GLIS3: variants seen among roughly 807,000 people sequenced by gnomAD.
GLIS3 encodes the protein zinc finger protein GLIS3.
Under a neutral mutation model 78.6 loss-of-function variants are expected in GLIS3, and 53 were observed. That is an observed-to-expected ratio of 0.67 (90% CI 0.54 to 0.85). GLIS3 has a LOEUF of 0.85. GLIS3 is among the 40% of genes least tolerant of loss of function. The probability of loss-of-function intolerance (pLI) is 0.00; values close to 1 mark genes in which losing one functional copy is unlikely to be tolerated. For missense variants in GLIS3, 1,703 were observed against 1,231.1 expected (o/e 1.38, Z -5.74); for synonymous variants, 684 against 509.9 (o/e 1.34, Z -4.60).
chr9:4,317,213 G>A (rs1486608206), intron 2 of GLIS3, among the ~76,000 whole-genome samples: 1 of 152,254 alleles, frequency 6.6e-6, no homozygotes, highest in East Asian at 1.9e-4. Flanking sequence ...CATCAGAAAT[G>A]AGGTGGAGAT....
intron 7 of GLIS3, among the ~76,000 whole-genome samples, chr9:3,894,247 A>T (rs544945354): frequency 6.6e-6 from 1 of 152,268 alleles, no homozygotes; most frequent in East Asian, 1.9e-4. Flanking sequence ...CTTTTTAAAG[A>T]CTTTCATATA....
the GLIS3 span, among the ~76,000 whole-genome samples, chr9:4,360,504 C>T: frequency 6.6e-6 from 1 of 152,248 alleles, no homozygotes; most frequent in East Asian, 1.9e-4. Flanking sequence ...ATACCTTAAG[C>T]CCTTTGCATT....
At chr9:4,280,964 A>C (rs1013353867) in intron 2 of GLIS3, among the ~76,000 whole-genome samples, 4 of 152,196 alleles carry the variant, frequency 2.6e-5, no homozygotes, top group African/African-American at 9.7e-5. Context: ...TAGCATGCTC[A>C]GTGTTTCAGT....
upstream of GLIS3, among the ~76,000 whole-genome samples, chr9:4,300,902 C>T (rs889663661): frequency 6.6e-6 from 1 of 152,020 alleles, no homozygotes; most frequent in Admixed American, 6.6e-5. Context: ...CAGTATTATT[C>T]ACCATCATGA....
At chr9:4,459,347 C>T in the GLIS3 span, among the ~76,000 whole-genome samples, 2 of 152,320 alleles carry the variant, frequency 1.3e-5, no homozygotes, top group African/African-American at 4.8e-5. Flanking sequence ...AGACTCAGCC[C>T]TGGGGCTATC....
At chr9:4,424,051 A>G in the GLIS3 span, among the ~76,000 whole-genome samples, 1 of 152,220 alleles carries the variant, frequency 6.6e-6, no homozygotes, top group East Asian at 1.9e-4. Flanking sequence ...ATATTCCCTA[A>G]AATCAATTGA....
At chr9:4,106,609 T>C (rs568358514) in intron 4 of GLIS3, among the ~76,000 whole-genome samples, 4 of 152,322 alleles carry the variant, frequency 2.6e-5, no homozygotes, top group Admixed American at 2.6e-4. Flanking sequence ...CTTGAGTGTG[T>C]GCCAGTTCAT....
chr9:3,953,819 A>C lies in GLIS3; in HGVS notation c.1711-16630T>G, dbSNP rs971848316. Reference sequence around the variant, plus strand: ...TCTATATATATATATATATATATATATATCTTCTCCATCTCACATACACAC... The same window carrying C: ...TCTATATATATATATATATATATATCTATCTTCTCCATCTCACATACACAC... On this transcript the variant is annotated intron_variant, in intron 4 of 10. Coordinates refer to ENST00000381971, the MANE Select transcript of GLIS3 (RefSeq NM_001042413.2). 1.7e-3 allele frequency among the ~76,000 whole-genome samples: 246 copies of C among 140,694 alleles called. 4 individuals are homozygous for C. In the East Asian group the frequency reaches 0.044, roughly 25 times the overall value. 92.3% of individuals were successfully genotyped at this position (140,694 alleles called of 152,430 possible). A position where few individuals can be genotyped will look rare whatever the true frequency, so the allele number is the denominator to read the frequency against.
intron 4 of GLIS3, among the ~76,000 whole-genome samples, chr9:4,107,271 T>C (rs1310384511): frequency 1.3e-5 from 2 of 152,164 alleles, no homozygotes; most frequent in African/African-American, 2.4e-5. Context: ...TGTTCACCAA[T>C]ACTCGGTGTT....
intron 2 of GLIS3, among the ~76,000 whole-genome samples, chr9:4,159,784 C>T (rs1835339313): frequency 1.3e-5 from 2 of 151,882 alleles, no homozygotes; most frequent in Non-Finnish European, 2.9e-5. Flanking sequence ...GGGGTTGGCC[C>T]ACATAGTTCC....
chr9:4,078,605 T>G (rs903813522), intron 4 of GLIS3, among the ~76,000 whole-genome samples: 1 of 152,214 alleles, frequency 6.6e-6, no homozygotes, highest in Non-Finnish European at 1.5e-5. Context: ...CAAGAGATCT[T>G]TGCCAGCCAG....
intron 2 of GLIS3, among the ~76,000 whole-genome samples, chr9:4,259,409 G>T (rs887597577): frequency 1.3e-5 from 2 of 152,074 alleles, no homozygotes; most frequent in East Asian, 3.8e-4. Flanking sequence ...ACTGGAGAGT[G>T]CTCATCTAAT....
chr9:4,328,433 G>A (rs1817633796), intron 2 of GLIS3, among the ~76,000 whole-genome samples: 1 of 152,186 alleles, frequency 6.6e-6, no homozygotes, highest in South Asian at 2.1e-4. Context: ...GGAATCCATG[G>A]ATGCTCAACA....
the GLIS3 span, among the ~76,000 whole-genome samples, chr9:4,438,236 A>G: frequency 7.9e-5 from 12 of 152,314 alleles, 1 homozygote; most frequent in East Asian, 2.3e-3. Context: ...TAAAGTAATG[A>G]ATGTTCAGGT....
At chr9:4,333,354 G>GAAGGAAGGAAAAAGGGAAGA (rs1587390929) in intron 2 of GLIS3, among the ~76,000 whole-genome samples, 3 of 151,612 alleles carry the variant, frequency 2.0e-5, no homozygotes, top group African/African-American at 7.3e-5. Context: ...AAAAGGGAAG[G>GAAGGAAGGAAAAAGGGAAGA]AAGGAAGGAA....
At chr9:3,898,350 C>T (rs150661484) in intron 7 of GLIS3, 15 of 342,748 alleles carry the variant, frequency 4.4e-5, no homozygotes, top group East Asian at 7.0e-5. Context: ...GAAATCCACA[C>T]GCAGCCTGCT....
intron 1 of GLIS3, among the ~76,000 whole-genome samples, chr9:4,297,833 G>C (rs1482189471): frequency 6.6e-6 from 1 of 152,206 alleles, no homozygotes; most frequent in Non-Finnish European, 1.5e-5. Flanking sequence ...GAGGTGCCGG[G>C]AGCGGGGGAG....
At chr9:4,349,744 G>T (rs562269023), upstream of GLIS3, among the ~76,000 whole-genome samples, 3 of 152,244 alleles carry the variant, frequency 2.0e-5, no homozygotes, top group South Asian at 6.2e-4. Context: ...TTTAAGCAGG[G>T]CTTGACAGCA....
the GLIS3 span, among the ~76,000 whole-genome samples, chr9:4,460,975 T>C: frequency 3.9e-5 from 6 of 152,196 alleles, no homozygotes; most frequent in African/African-American, 1.4e-4. Context: ...AAAATTTTGT[T>C]CTCATCCATA....
Sources: gnomAD v4.1 joint callset for allele counts (sites outside exome capture counted in the v4.1 genomes callset) on GRCh38, gnomAD v4.1.1 for gene constraint, MANE v1.5 for transcripts, NCBI Gene and HGNC (gene_info 2026-07-23, HGNC 2026-07-21) for gene names.